Variants in PIGP observed in about 807,000 individuals in gnomAD.
PIGP encodes phosphatidylinositol glycan anchor biosynthesis class P, also known as phosphatidylinositol N-acetylglucosaminyltransferase subunit P.
Under a neutral mutation model 16.9 loss-of-function variants are expected in PIGP, and 12 were observed. The ratio of observed to expected loss-of-function variants is 0.71; its 90% CI spans 0.46 to 1.15. PIGP has a LOEUF of 1.15. Ranked by LOEUF, PIGP falls within the 50% of genes most tolerant of loss-of-function variation. The pLI is 0.00. For synonymous variants in PIGP, 57 were observed against 54.7 expected, an observed-to-expected ratio of 1.04 and a Z score of -0.18; for missense variants, 159 against 153.5, an observed-to-expected ratio of 1.04 and a Z score of -0.19.
Position 37,072,264 on chromosome 21 carries a change from T to C in PIGP, c.82+170A>G, listed in dbSNP as rs111620258. 6.7e-4 allele frequency: 1,071 copies of C among 1,610,392 alleles called. 8 individuals are homozygous for C. In the African/African-American group the frequency reaches 0.012, roughly 19 times the overall value. ...TAGAGACTAAAACCTCCTAGGCTAGTGCTGGCACACGGAACACTCAGCAAA... is the reference window on the plus strand; with the variant it reads ...TAGAGACTAAAACCTCCTAGGCTAGCGCTGGCACACGGAACACTCAGCAAA... On this transcript the variant is annotated intron_variant, in intron 2 of 4. Transcript: ENST00000360525.
chr21:37,066,563 G>A (rs1427337178), intron 4 of PIGP, among the ~76,000 whole-genome samples: 2 of 152,120 alleles, frequency 1.3e-5, no homozygotes, highest in Non-Finnish European at 2.9e-5. Flanking sequence ...TTCATCTTTA[G>A]ACTTGAAAGA....
chr21:37,069,642 A>AAAAAGT lies in PIGP; in HGVS notation c.83-19_83-18insACTTTT. The AAAAAGT allele has an allele frequency of 6.6e-7, 1 of 1,507,222 alleles. No homozygotes were observed. The highest frequency in any genetic ancestry group is 9.0e-7 in the Non-Finnish European group (1 of 1,111,506). 93.4% of individuals were successfully genotyped at this position (1,507,222 alleles called of 1,614,324 possible). A position where few individuals can be genotyped will look rare whatever the true frequency, so the allele number is the denominator to read the frequency against. The stretch of plus-strand genomic sequence containing the variant: ...GTAAAGTACTGTAGAAAAGAAAAAG[A>AAAAAGT]AAAAAAAGAGGAAGAGAAGTCAGTA... On this transcript the variant is annotated intron_variant, in intron 2 of 4. Coordinates refer to ENST00000360525, the MANE Select transcript of PIGP (RefSeq NM_153682.3).
At chr21:37,067,066 G>A (rs544514658) in intron 4 of PIGP, among the ~76,000 whole-genome samples, 196 bp downstream of exon 4, 1 of 151,506 alleles carries the variant, frequency 6.6e-6, no homozygotes, top group Non-Finnish European at 1.5e-5. Context: ...GAGTACAGTG[G>A]TGGGATCTTG....
At chr21:37,069,889 G>A (rs1041700247) in intron 2 of PIGP, among the ~76,000 whole-genome samples, 3 of 151,960 alleles carry the variant, frequency 2.0e-5, no homozygotes, top group Non-Finnish European at 4.4e-5. Context: ...TCATGGCTTA[G>A]CAATTGTTGT....
chr21:37,069,821 A>T (rs1401800756), intron 2 of PIGP, among the ~76,000 whole-genome samples, 197 bp from the exon 3 acceptor site: 2 of 152,122 alleles, frequency 1.3e-5, no homozygotes, highest in Non-Finnish European at 2.9e-5. Context: ...TTACTGTATT[A>T]GTCTTTTTTT....
At chr21:37,070,883 C>A (rs1199354442) in intron 2 of PIGP, among the ~76,000 whole-genome samples, 2 of 152,242 alleles carry the variant, frequency 1.3e-5, no homozygotes, top group African/African-American at 2.4e-5. Context: ...CTGCCTCAGC[C>A]TCCCGAGTAG....
chr21:37,072,722 C>T (rs1398760172), intron 1 of PIGP, 185 bp from the exon 2 acceptor site: 8 of 893,790 alleles, frequency 9.0e-6, no homozygotes, highest in Non-Finnish European at 1.2e-5. Flanking sequence ...CGCCCCGCAA[C>T]AGAAGGGGTG....
intron 2 of PIGP, among the ~76,000 whole-genome samples, chr21:37,071,002 C>T (rs1353315671): frequency 6.6e-6 from 1 of 152,254 alleles, no homozygotes; most frequent in Non-Finnish European, 1.5e-5. Context: ...CTCAGATGAT[C>T]TGCCTGCCTC....
chr21:37,072,584 C>CAT (rs748762794), intron 1 of PIGP, 47 bp from the exon 2 acceptor site: 2 of 1,613,812 alleles, frequency 1.2e-6, no homozygotes, highest in African/African-American at 2.7e-5. Flanking sequence ...CTCCGTGGCA[C>CAT]CATTGATCCA....
intron 2 of PIGP, chr21:37,072,143 A>T: frequency 1.9e-6 from 2 of 1,029,514 alleles, no homozygotes; most frequent in Non-Finnish European, 3.1e-6. Flanking sequence ...CTGTAGATTT[A>T]CCCATCTGTC....
At chr21:37,069,651 A>T (rs2069966516) in intron 2 of PIGP, 27 bp from the exon 3 acceptor site, 1 of 1,435,728 alleles carries the variant, frequency 7.0e-7, no homozygotes, top group Non-Finnish European at 9.5e-7. Flanking sequence ...GAAAAAAAAG[A>T]GGAAGAGAAG....
At chr21:37,070,754 T>C (rs1412589607) in intron 2 of PIGP, among the ~76,000 whole-genome samples, 1 of 152,162 alleles carries the variant, frequency 6.6e-6, no homozygotes, top group African/African-American at 2.4e-5. Context: ...ACTTTTTGGT[T>C]GTGGGTATGA....
intron 3 of PIGP, among the ~76,000 whole-genome samples, 190 bp from the exon 4 acceptor site, chr21:37,067,570 G>C (rs1043693848): frequency 1.3e-5 from 2 of 152,056 alleles, no homozygotes; most frequent in African/African-American, 4.8e-5. Flanking sequence ...CCCAACCCTG[G>C]GGTCTCACTC....
At chr21:37,072,335 G>C (rs1035516044) in intron 2 of PIGP, 99 bp downstream of exon 2, 5 of 1,596,056 alleles carry the variant, frequency 3.1e-6, no homozygotes, top group Non-Finnish European at 3.4e-6. Context: ...TAGGGAGAAA[G>C]AATCAACAGT....
chr21:37,069,551 C>G lies in PIGP; in HGVS notation c.155+1G>C. 6.5e-7 allele frequency: 1 copy of G among 1,533,374 alleles called. No individual in the cohort carries two copies. Among genetic ancestry groups the G allele is most frequent in the Non-Finnish European group, 8.9e-7 (1 of 1,129,232 alleles). 95.0% of individuals were successfully genotyped at this position (1,533,374 alleles called of 1,614,324 possible). The stretch of plus-strand genomic sequence containing the variant: ...TCATTTAAGAAATATATTAAACTTA[C>G]TTTTGAGGCCAATAGGTTAAACCTA... On this transcript the variant is annotated splice_donor_variant, in intron 3 of 4. Coordinates refer to ENST00000360525, the MANE Select transcript of PIGP (RefSeq NM_153682.3). LOFTEE classifies it high-confidence loss of function.
rs565248763 is a variant in PIGP, at chr21:37,072,689, A to G, written c.-22-152T>C. ...CAACCCGCGCCCCCGCCTCGAGCGCATACAGACACCCAGGCTGGCGCGCGC... is the reference window on the plus strand; with the variant it reads ...CAACCCGCGCCCCCGCCTCGAGCGCGTACAGACACCCAGGCTGGCGCGCGC... On this transcript the variant is annotated intron_variant, in intron 1 of 4. Coordinates refer to ENST00000360525, the MANE Select transcript of PIGP (RefSeq NM_153682.3). The G allele has an allele frequency of 4.0e-5, 54 of 1,341,750 alleles. No individual in the cohort carries two copies. In the Middle Eastern group the frequency reaches 7.2e-4, roughly 18 times the overall value. 83.1% of individuals were successfully genotyped at this position (1,341,750 alleles called of 1,614,324 possible).
At chr21:37,069,496 T>C (rs1361553955) in intron 3 of PIGP, 56 bp downstream of exon 3, 7 of 1,038,304 alleles carry the variant, frequency 6.7e-6, no homozygotes, top group Non-Finnish European at 1.0e-5. Flanking sequence ...AGAAATGATA[T>C]GACTCCTCAA....
In PIGP at chr21:37,067,349, G is replaced by C; in HGVS notation, c.187C>G (p.Leu63Val). 6.2e-7 allele frequency: 1 copy of C among 1,609,252 alleles called. No individual in the cohort carries two copies. The highest frequency in any genetic ancestry group is 8.5e-7 in the Non-Finnish European group (1 of 1,175,622). The change falls in exon 4 of 5, where the codon CTT becomes GTT. Residue 63 changes from leucine to valine, a missense_variant. Coordinates refer to ENST00000360525, the MANE Select transcript of PIGP (RefSeq NM_153682.3). ...YWAVALPVYL[L>V]IAIVIGYVLL... Reference sequence around the variant, plus strand: ...ACGTAGCCAATTACTATAGCAATAAGGAGGTAGACAGGTAATGCAACTGCC... The same window carrying C: ...ACGTAGCCAATTACTATAGCAATAACGAGGTAGACAGGTAATGCAACTGCC...
Position 37,072,510 on chromosome 21 carries a change from CACCATTTTTCCTG to C in PIGP, c.-8_5del. 1 of 1,614,190 alleles carries C rather than the reference CACCATTTTTCCTG, an allele frequency of 6.2e-7. No homozygotes were observed. Among genetic ancestry groups the C allele is most frequent in the Non-Finnish European group, 8.5e-7 (1 of 1,180,020 alleles). On this transcript the variant is annotated start_lost and 5_prime_UTR_variant, in exon 2 of 5. Coordinates refer to ENST00000360525, the MANE Select transcript of PIGP (RefSeq NM_153682.3). ...CTGGCAATGGCGACGGTGAATTTTC[CACCATTTTTCCTG>C]GGGCTTTAGACAATCTGTGGAAAAG...
Sources: gnomAD v4.1 joint callset for allele counts (sites outside exome capture counted in the v4.1 genomes callset) on GRCh38, gnomAD v4.1.1 for gene constraint, MANE v1.5 for transcripts, NCBI Gene and HGNC (gene_info 2026-07-23, HGNC 2026-07-21) for gene names.